DAAM1: variants seen among roughly 807,000 people sequenced by gnomAD.
DAAM1 encodes dishevelled associated activator of morphogenesis 1, also known as disheveled-associated activator of morphogenesis 1.
Under a neutral mutation model 130.0 loss-of-function variants are expected in DAAM1, and 52 were observed. That is an observed-to-expected ratio of 0.40 (90% CI 0.32 to 0.50). The LOEUF (loss-of-function observed/expected upper bound fraction) is 0.50, where lower values mean the gene tolerates loss of function less well. Ranked by LOEUF, DAAM1 falls within the 20% of genes least tolerant of loss-of-function variation. The pLI is 0.61. For synonymous variants in DAAM1, 452 were observed against 444.5 expected, an observed-to-expected ratio of 1.02 and a Z score of -0.21; for missense variants, 1,134 against 1,303.8, an observed-to-expected ratio of 0.87 and a Z score of 2.01.
chr14:59,297,561 G>T (rs1884001706), intron 3 of DAAM1, among the ~76,000 whole-genome samples: 1 of 152,132 alleles, frequency 6.6e-6, no homozygotes, highest in South Asian at 2.1e-4. Context: ...TGCTCAGTAT[G>T]TAATGGCAAG....
At chr14:59,360,763 G>A (rs759086137) in intron 21 of DAAM1, 39 bp from the exon 22 acceptor site, 1 of 1,581,574 alleles carries the variant, frequency 6.3e-7, no homozygotes, top group Non-Finnish European at 8.7e-7. Flanking sequence ...ATATGTGTAA[G>A]TCACATGTTG....
At chr14:59,315,419 C>G (rs1884752146) in intron 4 of DAAM1, 68 bp downstream of exon 4, 9 of 1,458,386 alleles carry the variant, frequency 6.2e-6, no homozygotes, top group Non-Finnish European at 8.6e-6. Context: ...TACACAGTTG[C>G]ACAATAAATT....
At chr14:59,310,939 C>T (rs1312297804) in intron 3 of DAAM1, among the ~76,000 whole-genome samples, 1 of 149,718 alleles carries the variant, frequency 6.7e-6, no homozygotes, top group Non-Finnish European at 1.5e-5. Flanking sequence ...TATTTTGGGC[C>T]TTACTAAGAA....
intron 2 of DAAM1, among the ~76,000 whole-genome samples, chr14:59,281,524 TGGAGGAGGAGGAGGAGGA>T (rs59666401): frequency 6.7e-6 from 1 of 150,118 alleles, no homozygotes; most frequent in Non-Finnish European, 1.5e-5. Context: ...GTGCTGCTGT[TGGAGGAGGAGGAGGAGGA>T]GGAGGAGGAG....
At chr14:59,329,155 C>T (rs1179729810) in intron 12 of DAAM1, among the ~76,000 whole-genome samples, 3 of 152,078 alleles carry the variant, frequency 2.0e-5, no homozygotes, top group Non-Finnish European at 4.4e-5. Flanking sequence ...GCCCTGTAGT[C>T]GACCTACAAA....
At chr14:59,328,740 T>C (rs1885309699) in intron 12 of DAAM1, among the ~76,000 whole-genome samples, 1 of 152,204 alleles carries the variant, frequency 6.6e-6, no homozygotes, top group African/African-American at 2.4e-5. Flanking sequence ...CAATAAATGA[T>C]AGCCACTGTT....
chr14:59,233,518 G>T (rs1250870450), intron 1 of DAAM1, among the ~76,000 whole-genome samples: 10 of 151,672 alleles, frequency 6.6e-5, no homozygotes, highest in Admixed American at 6.6e-4. Context: ...TAAGTTCCTT[G>T]TATTTTCTGG....
At chr14:59,235,768 T>TG (rs1310744365) in intron 1 of DAAM1, among the ~76,000 whole-genome samples, 1 of 152,236 alleles carries the variant, frequency 6.6e-6, no homozygotes, top group Non-Finnish European at 1.5e-5. Flanking sequence ...CTTTCTGATG[T>TG]GGGCATTTAG....
intron 24 of DAAM1, among the ~76,000 whole-genome samples, chr14:59,367,973 T>C (rs573504939): frequency 6.6e-6 from 1 of 152,226 alleles, no homozygotes; most frequent in East Asian, 1.9e-4. Flanking sequence ...TAATGGAATA[T>C]TTATGCAGTC....
intron 2 of DAAM1, chr14:59,265,399 C>G (rs1882388287): frequency 6.6e-6 from 1 of 152,214 alleles, no homozygotes; most frequent in Non-Finnish European, 1.5e-5. Flanking sequence ...AACTCTGTTG[C>G]AGGTGTTAAC....
At chr14:59,275,024 G>A (rs1160838731) in intron 2 of DAAM1, among the ~76,000 whole-genome samples, 1 of 152,186 alleles carries the variant, frequency 6.6e-6, no homozygotes, top group Non-Finnish European at 1.5e-5. Flanking sequence ...GCTTTAAAGT[G>A]TCAGACAAGC....
chr14:59,238,580 T>G (rs1268579), intron 1 of DAAM1, among the ~76,000 whole-genome samples: 94,570 of 151,982 alleles, frequency 0.62, 30,236 homozygotes, highest in Non-Finnish European at 0.7. Context: ...TCAGGGGCAG[T>G]TCAGCCTCTT....
chr14:59,333,005 G>A (rs1022391060), intron 15 of DAAM1, among the ~76,000 whole-genome samples: 1 of 152,090 alleles, frequency 6.6e-6, no homozygotes, highest in Non-Finnish European at 1.5e-5. Context: ...AAGAAAGAGT[G>A]TATCAGAAAA....
intron 2 of DAAM1, among the ~76,000 whole-genome samples, chr14:59,276,000 C>G (rs1882949763): frequency 6.6e-6 from 1 of 152,156 alleles, no homozygotes; most frequent in Non-Finnish European, 1.5e-5. Flanking sequence ...GCTTAAAGCT[C>G]TCTCTTGTTT....
chr14:59,239,697 C>T (rs1949983921), intron 1 of DAAM1, among the ~76,000 whole-genome samples: 1 of 152,120 alleles, frequency 6.6e-6, no homozygotes, highest in Non-Finnish European at 1.5e-5. Flanking sequence ...TCAAATTCTG[C>T]TGTGGATGGA....
At chr14:59,226,621 C>T (rs776512662) in intron 1 of DAAM1, among the ~76,000 whole-genome samples, 6 of 152,096 alleles carry the variant, frequency 3.9e-5, no homozygotes, top group Non-Finnish European at 7.4e-5. Flanking sequence ...GTATGCTAGG[C>T]AGGCAAAAAC....
intron 17 of DAAM1, among the ~76,000 whole-genome samples, chr14:59,351,753 T>TAA (rs376635419): frequency 1.4e-5 from 2 of 143,788 alleles, no homozygotes; most frequent in South Asian, 2.2e-4. Context: ...GTCAATGTTT[T>TAA]AAAAAAAAAA....
chr14:59,326,352 C>G (rs1000281020), intron 10 of DAAM1, among the ~76,000 whole-genome samples, 158 bp from the exon 11 acceptor site: 7 of 152,144 alleles, frequency 4.6e-5, no homozygotes, highest in Admixed American at 3.9e-4. Flanking sequence ...AATAAATGAT[C>G]ATTGCATGTC....
At chr14:59,351,122 G>A (rs1886277348) in intron 17 of DAAM1, among the ~76,000 whole-genome samples, 3 of 144,730 alleles carry the variant, frequency 2.1e-5, no homozygotes, top group African/African-American at 7.5e-5. Context: ...TGTTGCCTAA[G>A]CCAGAAGCCC....
Sources: gnomAD v4.1 joint callset for allele counts (sites outside exome capture counted in the v4.1 genomes callset) on GRCh38, gnomAD v4.1.1 for gene constraint, MANE v1.5 for transcripts, NCBI Gene and HGNC (gene_info 2026-07-23, HGNC 2026-07-21) for gene names.